KCNQ5: variants seen among roughly 807,000 people sequenced by gnomAD.
KCNQ5 encodes potassium voltage-gated channel subfamily Q member 5, also known as potassium voltage-gated channel subfamily KQT member 5.
Under a neutral mutation model 98.2 loss-of-function variants are expected in KCNQ5, and 30 were observed. The ratio of observed to expected loss-of-function variants is 0.31; its 90% confidence interval spans 0.23 to 0.41. KCNQ5 has a LOEUF of 0.41. Ranked by LOEUF, KCNQ5 falls within the 10% of genes least tolerant of loss-of-function variation. The pLI, the probability that KCNQ5 is intolerant of heterozygous loss-of-function variation, is 1.00. For missense variants in KCNQ5, 835 were observed against 1,182.5 expected, an observed-to-expected ratio of 0.71 and a Z score of 4.31; for synonymous variants, 458 against 449.4, an observed-to-expected ratio of 1.02 and a Z score of -0.24.
chr6:73,074,351 T>C (rs1773426619), intron 3 of KCNQ5, among the ~76,000 whole-genome samples: 1 of 152,236 alleles, frequency 6.6e-6, no homozygotes, highest in Non-Finnish European at 1.5e-5. Context: ...AACATTTTTG[T>C]GACTGCACTC....
intron 1 of KCNQ5, among the ~76,000 whole-genome samples, chr6:72,766,004 G>C (rs1772549706): frequency 6.6e-6 from 1 of 152,024 alleles, no homozygotes; most frequent in Non-Finnish European, 1.5e-5. Flanking sequence ...CATGCACCAA[G>C]GGTCAAAAGC....
At chr6:73,061,356 A>G (rs9350483) in intron 3 of KCNQ5, among the ~76,000 whole-genome samples, 147,847 of 152,280 alleles carry the variant, frequency 0.97, 71,904 homozygotes, top group Middle Eastern at 1. Flanking sequence ...ATGTCATTTT[A>G]ATGTTTAAAA....
chr6:72,778,036 A>G (rs995426766), intron 1 of KCNQ5, among the ~76,000 whole-genome samples: 4 of 152,198 alleles, frequency 2.6e-5, no homozygotes, highest in African/African-American at 9.7e-5. Flanking sequence ...GTCAAAGGTC[A>G]CGGTAAGAGA....
chr6:73,075,517 A>G (rs1023736624), intron 3 of KCNQ5, among the ~76,000 whole-genome samples: 4 of 152,210 alleles, frequency 2.6e-5, no homozygotes, highest in East Asian at 1.9e-4. Context: ...CACTGCGCCC[A>G]GCCTAGTCTC....
intron 1 of KCNQ5, among the ~76,000 whole-genome samples, chr6:72,650,938 C>T (rs531413797): frequency 7.9e-5 from 12 of 151,858 alleles, no homozygotes; most frequent in Admixed American, 3.3e-4. Flanking sequence ...TAAATTGGGT[C>T]GATTAAGGTT....
At chr6:72,880,029 G>T (rs189482259) in intron 1 of KCNQ5, among the ~76,000 whole-genome samples, 162 of 152,166 alleles carry the variant, frequency 1.1e-3, no homozygotes, top group African/African-American at 3.5e-3. Flanking sequence ...TAATTGTTAT[G>T]TCTAATCTTG....
intron 1 of KCNQ5, among the ~76,000 whole-genome samples, chr6:72,919,847 T>C (rs1014006951): frequency 1.3e-5 from 2 of 152,170 alleles, no homozygotes; most frequent in African/African-American, 4.8e-5. Flanking sequence ...GGATGTATTC[T>C]TCAAGAGCTC....
At chr6:72,996,974 A>G (rs1769331169) in intron 1 of KCNQ5, among the ~76,000 whole-genome samples, 1 of 152,176 alleles carries the variant, frequency 6.6e-6, no homozygotes, top group South Asian at 2.1e-4. Flanking sequence ...GAAGGAGCAC[A>G]CGTCTTCTGT....
intron 10 of KCNQ5, among the ~76,000 whole-genome samples, chr6:73,167,367 A>C (rs1276356706): frequency 3.3e-5 from 5 of 152,214 alleles, no homozygotes; most frequent in Non-Finnish European, 7.3e-5. Flanking sequence ...GTCACAATTT[A>C]ACCCCAAACT....
chr6:72,694,421 C>T (rs1768380510), intron 1 of KCNQ5, among the ~76,000 whole-genome samples: 1 of 152,116 alleles, frequency 6.6e-6, no homozygotes, highest in Non-Finnish European at 1.5e-5. Flanking sequence ...GTCCTTTCTT[C>T]TCATGGATTG....
At chr6:72,683,757 T>TA (rs139944317) in intron 1 of KCNQ5, among the ~76,000 whole-genome samples, 23,013 of 144,494 alleles carry the variant, frequency 0.16, 2,108 homozygotes, top group East Asian at 0.22. Context: ...TTTGGTGTGG[T>TA]AAAAAAAAAA....
chr6:73,169,728 G>A lies in KCNQ5; in HGVS notation c.1469-18G>A. The A allele has an allele frequency of 6.5e-7, 1 of 1,546,378 alleles. No homozygotes were observed. The highest frequency in any genetic ancestry group is 8.9e-7 in the Non-Finnish European group (1 of 1,119,132). ...TTGCGGATGGTGGTGTTATTTAACT[G>A]GCAATATTCTCTTGCAGCTGACACA... On this transcript the variant is annotated intron_variant, in intron 10 of 13. Coordinates refer to ENST00000370398, the MANE Select transcript of KCNQ5 (RefSeq NM_019842.4).
In KCNQ5 at chr6:73,164,632, T is replaced by C. The variant is rs1043714418; in HGVS notation, c.1469-5114T>C. On this transcript the variant is annotated intron_variant, in intron 10 of 13. Coordinates refer to ENST00000370398, the MANE Select transcript of KCNQ5 (RefSeq NM_019842.4). The stretch of plus-strand genomic sequence containing the variant: ...CGCAGGTTCATTTATGTGTGAACAA[T>C]ATAGTTTCACTATCTTTACTTTTGT... Among the ~76,000 whole-genome samples, 5 of 152,378 alleles carry C rather than the reference T, an allele frequency of 3.3e-5. No homozygotes were observed. The East Asian group carries it at 9.6e-4, about 29-fold the overall frequency.
intron 1 of KCNQ5, among the ~76,000 whole-genome samples, chr6:72,972,501 A>AC (rs1190545311): frequency 7.6e-6 from 1 of 131,916 alleles, no homozygotes; most frequent in African/African-American, 2.9e-5. Flanking sequence ...CTCACCCCCT[A>AC]CCCCCCAACA....
At chr6:73,189,948 C>T (rs150202565) in intron 11 of KCNQ5, among the ~76,000 whole-genome samples, 5 of 150,130 alleles carry the variant, frequency 3.3e-5, no homozygotes, top group Admixed American at 6.7e-5. Flanking sequence ...AGGAGGATTG[C>T]TTGAGCCCAA....
intron 2 of KCNQ5, among the ~76,000 whole-genome samples, chr6:73,019,750 T>C (rs1163289282): frequency 6.6e-6 from 1 of 152,168 alleles, no homozygotes; most frequent in African/African-American, 2.4e-5. Flanking sequence ...TTATATGGTG[T>C]TAAAGTTAGA....
At chr6:72,776,209 A>G (rs1773156855) in intron 1 of KCNQ5, among the ~76,000 whole-genome samples, 1 of 152,218 alleles carries the variant, frequency 6.6e-6, no homozygotes, top group Non-Finnish European at 1.5e-5. Context: ...CGTGCTCTCC[A>G]ACATCAAGTT....
intron 3 of KCNQ5, among the ~76,000 whole-genome samples, chr6:73,048,794 A>G (rs1052005450): frequency 6.6e-6 from 1 of 152,200 alleles, no homozygotes; most frequent in African/African-American, 2.4e-5. Context: ...TTATTTTTCT[A>G]TGAGGAACTG....
chr6:72,884,677 G>A (rs951376913), intron 1 of KCNQ5, among the ~76,000 whole-genome samples: 2 of 151,694 alleles, frequency 1.3e-5, no homozygotes, highest in Non-Finnish European at 2.9e-5. Flanking sequence ...AGAGCGGTGA[G>A]ACAATCTTGG....
Sources: allele counts gnomAD v4.1 joint callset (sites outside exome capture counted in the v4.1 genomes callset), GRCh38; gene constraint gnomAD v4.1.1; transcripts MANE v1.5; gene names NCBI Gene and HGNC (gene_info 2026-07-23, HGNC 2026-07-21).